SIAE: variants seen among roughly 807,000 people sequenced by gnomAD.
The protein encoded by SIAE is sialic acid acetylesterase.
SIAE carries 39 observed loss-of-function variants against 52.6 expected under a neutral mutation model. The observed-to-expected ratio is 0.74, with a 90% confidence interval of 0.57 to 0.97. The LOEUF is 0.97. Among genes scored for constraint, SIAE ranks in the 50% least tolerant of loss-of-function variants. The pLI is 0.00. For synonymous variants in SIAE, 233 were observed against 241.4 expected, an observed-to-expected ratio of 0.97 and a Z score of 0.32; for missense variants, 592 against 662.1, an observed-to-expected ratio of 0.89 and a Z score of 1.16.
chr11:124,652,335 C>T (rs1172180787), intron 4 of SIAE, among the ~76,000 whole-genome samples: 1 of 152,078 alleles, frequency 6.6e-6, no homozygotes, highest in African/African-American at 2.4e-5. Context: ...TGCGTCCAAT[C>T]TAATTACAAG....
In SIAE at chr11:124,633,980, A is replaced by G. The variant is rs776816773; in HGVS notation, c.*2971T>C. 1.3e-5 allele frequency: 2 copies of G among 152,234 alleles called. No homozygotes were observed. The highest frequency in any genetic ancestry group is 2.9e-5 in the Non-Finnish European group (2 of 68,052). The allele number at this position is 152,234 out of a possible 1,614,324, so 9.4% of individuals were successfully genotyped here. ...TAATGCATATACAACTATAGTGTGT[A>G]CGTATACCACATATACATATACTTG... On this transcript the variant is annotated 3_prime_UTR_variant, in exon 10 of 10. Coordinates refer to ENST00000263593, the MANE Select transcript of SIAE (RefSeq NM_170601.5).
chr11:124,665,595 ATAG>A (rs1460622380), intron 2 of SIAE, among the ~76,000 whole-genome samples: 42 of 152,336 alleles, frequency 2.8e-4, no homozygotes, highest in Admixed American at 2.2e-3. Flanking sequence ...AAATTGTGAG[ATAG>A]TAAAAGCGTG....
chr11:124,665,749 G>T (rs1943263551), intron 2 of SIAE, among the ~76,000 whole-genome samples: 1 of 151,668 alleles, frequency 6.6e-6, no homozygotes, highest in Admixed American at 6.6e-5. Flanking sequence ...AACCTGGCAG[G>T]CAAAGGTTGC....
chr11:124,669,565 T>C (rs918622907), intron 1 of SIAE, 44 bp from the exon 2 acceptor site: 7 of 1,563,424 alleles, frequency 4.5e-6, no homozygotes, highest in Non-Finnish European at 5.3e-6. Context: ...ATCGGAGAGA[T>C]ATAGCACCAA....
rs887841260 is a variant in SIAE at position 124,643,915 on chromosome 11, A to G, written c.966+3450T>C. Among the ~76,000 whole-genome samples the G allele has an allele frequency of 2.0e-5, 3 of 152,092 alleles. No individual in the cohort carries two copies. In the East Asian group the frequency reaches 5.8e-4, roughly 29 times the overall value. ...CATCAGAGGACTGCATTTTACACAG[A>G]CTGTTCCACCCAGCCTTATTACTCA... On this transcript the variant is annotated intron_variant, in intron 7 of 9. Coordinates refer to ENST00000263593, the MANE Select transcript of SIAE (RefSeq NM_170601.5).
intron 7 of SIAE, among the ~76,000 whole-genome samples, chr11:124,644,743 C>G (rs1942906987): frequency 6.6e-6 from 1 of 152,192 alleles, no homozygotes; most frequent in African/African-American, 2.4e-5. Context: ...CCTTGGGACT[C>G]CAGCCCCTAG....
Position 124,639,427 on chromosome 11 carries a change from T to C in SIAE, c.1124+283A>G, listed in dbSNP as rs77310600. ...ACACTTTAAGATGACTATGGAAGCA[T>C]AGGTCAACTTGGAGCCTCTATTGCT... On this transcript the variant is annotated intron_variant, in intron 8 of 9. Transcript: ENST00000263593. Among the ~76,000 whole-genome samples the C allele has an allele frequency of 7.9e-4, 121 of 152,346 alleles. 2 individuals are homozygous for C. In the East Asian group the frequency reaches 0.017, roughly 21 times the overall value.
chr11:124,652,327 C>T (rs1591389186), intron 4 of SIAE, among the ~76,000 whole-genome samples: 1 of 152,032 alleles, frequency 6.6e-6, no homozygotes, highest in Admixed American at 6.5e-5. Context: ...CATCTAGGTG[C>T]GTCCAATCTA....
rs1296302004 is a variant in SIAE at position 124,660,670 on chromosome 11, C to G, written c.363G>C (p.Trp121Cys). ...GCATGTTACTCTGCCCACTACAGAG[C>G]CAGACATCTCCAAACAGGACGTCAT... ...RVHDVLFGDV[W>C]LCSGQSNMQM... The change falls in exon 3 of 10, where the codon TGG becomes TGC. Residue 121 changes from tryptophan to cysteine, a missense_variant. Trp to Cys is a radical substitution (Grantham distance 215). Transcript: ENST00000263593. 1.2e-6 allele frequency: 2 copies of G among 1,614,162 alleles called. No homozygotes were observed. Among genetic ancestry groups the G allele is most frequent in the Admixed American group, 3.3e-5 (2 of 60,008 alleles).
In SIAE at chr11:124,636,504, C is replaced by T. The variant is rs979035847; in HGVS notation, c.*447G>A. On this transcript the variant is annotated 3_prime_UTR_variant, in exon 10 of 10. Coordinates refer to ENST00000263593, the MANE Select transcript of SIAE (RefSeq NM_170601.5). ...GAACGCGCCTGATCTCATCTGATCT[C>T]GGAAGCTAAGCAGGGTCGGGCCTGG... 25 of 231,670 alleles carry T rather than the reference C, an allele frequency of 1.1e-4. No homozygotes were observed. The highest frequency in any genetic ancestry group is 3.6e-4 in the African/African-American group (16 of 44,284). The allele number at this position is 231,670 out of a possible 1,614,324, so 14.4% of individuals were successfully genotyped here.
chr11:124,666,475 T>C (rs939377582), intron 2 of SIAE, among the ~76,000 whole-genome samples: 2 of 152,238 alleles, frequency 1.3e-5, no homozygotes, highest in African/African-American at 4.8e-5. Flanking sequence ...TGAAGCAGGT[T>C]TGCAGATCTC....
upstream of SIAE, chr11:124,675,317 A>G (rs754285801): frequency 1.2e-6 from 2 of 1,614,212 alleles, no homozygotes; most frequent in South Asian, 2.2e-5. Flanking sequence ...GGATTTGGGA[A>G]TCTTCTTGAA....
At chr11:124,642,793 T>G (rs530999362) in intron 7 of SIAE, among the ~76,000 whole-genome samples, 5 of 152,308 alleles carry the variant, frequency 3.3e-5, no homozygotes, top group African/African-American at 1.2e-4. Context: ...TGACTTCACA[T>G]TGATCAAAAG....
intron 7 of SIAE, among the ~76,000 whole-genome samples, chr11:124,643,222 G>A (rs900909540): frequency 2.6e-5 from 4 of 152,172 alleles, no homozygotes; most frequent in South Asian, 4.1e-4. Flanking sequence ...TATGCCTAGC[G>A]TGCTTAAAGA....
intron 2 of SIAE, among the ~76,000 whole-genome samples, chr11:124,664,220 T>C (rs1943237249): frequency 1.3e-5 from 2 of 151,798 alleles, no homozygotes. Flanking sequence ...AGGGTTAGCA[T>C]TTCTGGTAGC....
Position 124,665,756 on chromosome 11 carries a change from T to C in SIAE, c.229+3604A>G, listed in dbSNP as rs1591395736. On this transcript the variant is annotated intron_variant, in intron 2 of 9. Transcript: ENST00000263593. ...ATCACTTGAACCTGGCAGGCAAAGG[T>C]TGCAGTGAACCGAGATCACACCTCT... Among the ~76,000 whole-genome samples the C allele has an allele frequency of 2.0e-5, 3 of 151,440 alleles. No individual in the cohort carries two copies. In the South Asian group the frequency reaches 6.3e-4, roughly 32 times the overall value.
Position 124,635,032 on chromosome 11 carries a change from G to A in SIAE, c.*1919C>T, listed in dbSNP as rs2276189. 3.3e-5 allele frequency: 5 copies of A among 152,060 alleles called. No individual in the cohort carries two copies. In the South Asian group the frequency reaches 8.3e-4, roughly 25 times the overall value. The allele number at this position is 152,060 out of a possible 1,614,324, so 9.4% of individuals were successfully genotyped here. On this transcript the variant is annotated 3_prime_UTR_variant, in exon 10 of 10. Coordinates refer to ENST00000263593, the MANE Select transcript of SIAE (RefSeq NM_170601.5). ...GCCACTAAAAATGAATGTGCATGGC[G>A]TCATTAACATAATCATTGCCTGAAC...
At position 124,655,760 on chromosome 11, in the gene SIAE, C is replaced by A. The variant is rs552515693; in HGVS notation, c.406-967G>T. On this transcript the variant is annotated intron_variant, in intron 3 of 9. Transcript: ENST00000263593. Reference sequence around the variant, plus strand: ...CATCAAAATCTGAAGATGTTCAAGTCCCTTATACAAAATGGCATATTTGTT... The same window carrying A: ...CATCAAAATCTGAAGATGTTCAAGTACCTTATACAAAATGGCATATTTGTT... 3.3e-5 allele frequency among the ~76,000 whole-genome samples: 5 copies of A among 152,262 alleles called. No homozygotes were observed. In the South Asian group the frequency reaches 1.0e-3, roughly 32 times the overall value.
chr11:124,647,699 C>T (rs564419117), intron 6 of SIAE, among the ~76,000 whole-genome samples: 1 of 152,252 alleles, frequency 6.6e-6, no homozygotes, highest in South Asian at 2.1e-4. Flanking sequence ...GCTCTGTCCT[C>T]TCCTGATGAC....
Sources: gnomAD v4.1 joint callset for allele counts (sites outside exome capture counted in the v4.1 genomes callset) on GRCh38, gnomAD v4.1.1 for gene constraint, MANE v1.5 for transcripts, NCBI Gene and HGNC (gene_info 2026-07-23, HGNC 2026-07-21) for gene names.